The following THSD7B variants were observed in gnomAD, a reference collection of about 807,000 sequenced individuals.
THSD7B encodes the protein thrombospondin type-1 domain-containing protein 7B.
A neutral mutation model predicts 213.6 loss-of-function variants in THSD7B; 138 were observed. The ratio of observed to expected loss-of-function variants is 0.65; its 90% CI spans 0.56 to 0.74. The LOEUF (loss-of-function observed/expected upper bound fraction) is 0.74, where lower values mean the gene tolerates loss of function less well. THSD7B is among the 30% of genes least tolerant of loss of function. The probability of loss-of-function intolerance (pLI) is 0.00; values close to 1 mark genes in which losing one functional copy is unlikely to be tolerated. For missense variants in THSD7B, 1,931 were observed against 1,991.5 expected (o/e 0.97, Z 0.58); for synonymous variants, 742 against 687.0 (o/e 1.08, Z -1.25).
chr2:136,833,520 T>C (rs890540860), intron 1 of THSD7B, among the ~76,000 whole-genome samples: 2 of 149,778 alleles, frequency 1.3e-5, no homozygotes, highest in African/African-American at 2.5e-5. Context: ...TTAGAGCTAA[T>C]CTCTGCTGGG....
intron 20 of THSD7B, among the ~76,000 whole-genome samples, chr2:137,626,278 C>T (rs1022209283): frequency 4.1e-4 from 62 of 152,006 alleles, no homozygotes; most frequent in Non-Finnish European, 7.8e-4. Context: ...ATGGCTAACA[C>T]GGTGAAACCC....
intron 2 of THSD7B, among the ~76,000 whole-genome samples, chr2:136,911,733 C>T (rs184110401): frequency 1.3e-5 from 2 of 152,318 alleles, no homozygotes; most frequent in Admixed American, 1.3e-4. Flanking sequence ...AACTGACACT[C>T]ATTCAAATCA....
intron 15 of THSD7B, among the ~76,000 whole-genome samples, chr2:137,554,054 C>A (rs1481758434): frequency 6.7e-6 from 1 of 149,352 alleles, no homozygotes; most frequent in Non-Finnish European, 1.5e-5. Flanking sequence ...GCAAGAAAAT[C>A]ATCAACTGAT....
chr2:137,007,248 A>G (rs904041220), intron 2 of THSD7B, among the ~76,000 whole-genome samples: 1 of 152,170 alleles, frequency 6.6e-6, no homozygotes, highest in Admixed American at 6.5e-5. Flanking sequence ...CTAGAGTTAA[A>G]TCAGACATTT....
intron 2 of THSD7B, among the ~76,000 whole-genome samples, chr2:137,006,255 C>A (rs540665719): frequency 6.6e-6 from 1 of 152,042 alleles, no homozygotes; most frequent in Non-Finnish European, 1.5e-5. Context: ...ATTAGCCAGG[C>A]GTGGTGGCAG....
intron 14 of THSD7B, among the ~76,000 whole-genome samples, chr2:137,413,936 A>T (rs1002909606): frequency 6.6e-6 from 1 of 152,210 alleles, no homozygotes; most frequent in Admixed American, 6.5e-5. Flanking sequence ...AAAGAAATAC[A>T]GAAGTAATTT....
chr2:136,990,624 C>CAAAAGCAA (rs1229210359), intron 2 of THSD7B, among the ~76,000 whole-genome samples: 1 of 152,016 alleles, frequency 6.6e-6, no homozygotes, highest in Non-Finnish European at 1.5e-5. Context: ...AGGTGCTTTG[C>CAAAAGCAA]AAAATGTGGG....
At chr2:137,005,706 T>A (rs1176929309) in intron 2 of THSD7B, among the ~76,000 whole-genome samples, 1 of 152,226 alleles carries the variant, frequency 6.6e-6, no homozygotes, top group African/African-American at 2.4e-5. Flanking sequence ...GAAAAACTTA[T>A]TTTTTCTAAA....
intron 5 of THSD7B, among the ~76,000 whole-genome samples, chr2:137,134,839 A>G (rs1021776863): frequency 6.6e-6 from 1 of 152,162 alleles, no homozygotes; most frequent in African/African-American, 2.4e-5. Context: ...CAGATGTAGA[A>G]TAGGATTTCA....
At chr2:136,846,284 G>C (rs1180289611) in intron 1 of THSD7B, among the ~76,000 whole-genome samples, 1 of 152,080 alleles carries the variant, frequency 6.6e-6, no homozygotes, top group Admixed American at 6.5e-5. Flanking sequence ...CGTACCCTGG[G>C]TTGGGTAACT....
At chr2:137,114,633 T>C (rs1002096534) in intron 4 of THSD7B, among the ~76,000 whole-genome samples, 1 of 152,228 alleles carries the variant, frequency 6.6e-6, no homozygotes, top group Non-Finnish European at 1.5e-5. Flanking sequence ...AAGAGTTTCT[T>C]ACATCAAGAA....
intron 1 of THSD7B, among the ~76,000 whole-genome samples, chr2:136,874,962 G>C (rs1348289901): frequency 6.6e-6 from 1 of 151,608 alleles, no homozygotes; most frequent in African/African-American, 2.4e-5. Context: ...ATCTCTAATT[G>C]TTTCTTGTCC....
At chr2:137,399,188 C>T (rs1183897875) in intron 12 of THSD7B, among the ~76,000 whole-genome samples, 2 of 128,938 alleles carry the variant, frequency 1.6e-5, no homozygotes, top group African/African-American at 2.6e-5. Context: ...TTGGCTCCTC[C>T]CCACCCCTTT....
chr2:136,806,277 A>G (rs1682279509), intron 1 of THSD7B, among the ~76,000 whole-genome samples: 1 of 152,204 alleles, frequency 6.6e-6, no homozygotes, highest in South Asian at 2.1e-4. Context: ...CGGGCTCTGG[A>G]GTCAGCAAAC....
At chr2:137,600,908 T>C (rs1328698666) in intron 17 of THSD7B, among the ~76,000 whole-genome samples, 2 of 152,112 alleles carry the variant, frequency 1.3e-5, no homozygotes, top group African/African-American at 4.8e-5. Context: ...GACAGCAAAA[T>C]TGATGATCCG....
rs571866088 is a variant in THSD7B at position 136,917,235 on chromosome 2, C to G, written c.139+34918C>G. On this transcript the variant is annotated intron_variant, in intron 2 of 27. Coordinates refer to ENST00000409968, the MANE Select transcript of THSD7B (RefSeq NM_001316349.2). Reference sequence around the variant, plus strand: ...TTGGCATGAAATCTTCAGTTTGGGACAGTGATATTACCATTTCTCACTTTG... The same window carrying G: ...TTGGCATGAAATCTTCAGTTTGGGAGAGTGATATTACCATTTCTCACTTTG... 1.1e-4 allele frequency among the ~76,000 whole-genome samples: 16 copies of G among 152,300 alleles called. No homozygotes were observed. The South Asian group carries it at 2.3e-3, about 22-fold the overall frequency.
chr2:137,162,293 C>T (rs2104986227), intron 6 of THSD7B, among the ~76,000 whole-genome samples: 1 of 152,276 alleles, frequency 6.6e-6, no homozygotes, highest in African/African-American at 2.4e-5. Flanking sequence ...TAAGGTAGTA[C>T]ATAAAGCAGA....
intron 1 of THSD7B, among the ~76,000 whole-genome samples, chr2:136,785,418 G>A (rs2104909656): frequency 6.6e-6 from 1 of 152,248 alleles, no homozygotes; most frequent in South Asian, 2.1e-4. Context: ...CTTGGCCACA[G>A]CAGTGTGGGG....
chr2:136,938,337 C>T (rs1194353186), intron 2 of THSD7B, among the ~76,000 whole-genome samples: 1 of 152,020 alleles, frequency 6.6e-6, no homozygotes, highest in Admixed American at 6.6e-5. Context: ...GAGGTAGAAC[C>T]CAGAGACTGA....
Sources: gnomAD v4.1 joint callset for allele counts (sites outside exome capture counted in the v4.1 genomes callset) on GRCh38, gnomAD v4.1.1 for gene constraint, MANE v1.5 for transcripts, NCBI Gene and HGNC (gene_info 2026-07-23, HGNC 2026-07-21) for gene names.